SEZ6L: variants seen among roughly 807,000 people sequenced by gnomAD.
SEZ6L encodes seizure 6-like protein.
Under a neutral mutation model 106.2 loss-of-function variants are expected in SEZ6L, and 37 were observed. That is an observed-to-expected ratio of 0.35 (90% confidence interval 0.27 to 0.46). The LOEUF is 0.46. Ranked by LOEUF, SEZ6L falls within the 20% of genes least tolerant of loss-of-function variation. The probability of loss-of-function intolerance (pLI) is 1.00; values close to 1 mark genes in which losing one functional copy is unlikely to be tolerated. For synonymous variants in SEZ6L, 541 were observed against 570.4 expected, an observed-to-expected ratio of 0.95 and a Z score of 0.73; for missense variants, 1,172 against 1,332.8, an observed-to-expected ratio of 0.88 and a Z score of 1.88.
chr22:26,186,218 G>A (rs537769739), intron 1 of SEZ6L, among the ~76,000 whole-genome samples: 1 of 152,248 alleles, frequency 6.6e-6, no homozygotes, highest in South Asian at 2.1e-4. Context: ...CCAGAGATAA[G>A]TCCTTAGAGT....
At chr22:26,365,703 A>C in intron 13 of SEZ6L, 137 bp downstream of exon 13, 1 of 682,192 alleles carries the variant, frequency 1.5e-6, no homozygotes, top group South Asian at 2.4e-5. Context: ...TGAGACCCCC[A>C]TCTCTACCAA....
intron 1 of SEZ6L, among the ~76,000 whole-genome samples, chr22:26,178,823 A>T (rs1226901692): frequency 1.3e-5 from 2 of 152,178 alleles, no homozygotes; most frequent in Non-Finnish European, 2.9e-5. Context: ...GGTGGTAGTG[A>T]TGAGGATGAA....
intron 6 of SEZ6L, among the ~76,000 whole-genome samples, chr22:26,307,336 G>A (rs538403552): frequency 4.6e-5 from 7 of 152,134 alleles, no homozygotes; most frequent in Admixed American, 2.0e-4. Context: ...AGAGGGTAGG[G>A]CACTGGCAGT....
intron 9 of SEZ6L, among the ~76,000 whole-genome samples, chr22:26,319,682 A>G (rs1322267484): frequency 6.6e-6 from 1 of 152,006 alleles, no homozygotes; most frequent in African/African-American, 2.4e-5. Flanking sequence ...CACCTAACAC[A>G]CTACGCATTG....
At chr22:26,307,157 A>G (rs887957183) in intron 6 of SEZ6L, among the ~76,000 whole-genome samples, 1 of 152,172 alleles carries the variant, frequency 6.6e-6, no homozygotes, top group African/African-American at 2.4e-5. Flanking sequence ...GAGCTAGGGT[A>G]CTTATGCACC....
In SEZ6L at chr22:26,321,465, T is replaced by G. The variant is rs183651615; in HGVS notation, c.2015+7563T>G. ...AAAAGGGTTTAAGCACTTAAAGAGATTAAAGCTTTGCAGAAGGGAGCTGAG... is the reference window on the plus strand; with the variant it reads ...AAAAGGGTTTAAGCACTTAAAGAGAGTAAAGCTTTGCAGAAGGGAGCTGAG... On this transcript the variant is annotated intron_variant, in intron 9 of 16. Coordinates refer to ENST00000248933, the MANE Select transcript of SEZ6L (RefSeq NM_021115.5). Among the ~76,000 whole-genome samples the G allele has an allele frequency of 8.5e-4, 130 of 152,220 alleles. 1 individual carries two copies. The South Asian group carries it at 0.011, about 13-fold the overall frequency.
chr22:26,198,838 C>G (rs1940750027), intron 1 of SEZ6L, among the ~76,000 whole-genome samples: 1 of 152,222 alleles, frequency 6.6e-6, no homozygotes, highest in South Asian at 2.1e-4. Flanking sequence ...CCCACCTCCT[C>G]CTGTCTTTAA....
chr22:26,295,379 G>A (rs1460600377), intron 3 of SEZ6L, among the ~76,000 whole-genome samples: 1 of 152,216 alleles, frequency 6.6e-6, no homozygotes, highest in South Asian at 2.1e-4. Flanking sequence ...GGGAAATAAA[G>A]AGCCATCAAA....
chr22:26,313,061 G>A (rs116326179), intron 8 of SEZ6L, among the ~76,000 whole-genome samples: 1,814 of 152,332 alleles, frequency 0.012, 26 homozygotes, highest in African/African-American at 0.041. Flanking sequence ...GAATTTATTG[G>A]TGCTTTGGCC....
At chr22:26,238,904 T>C (rs2079030023) in intron 1 of SEZ6L, among the ~76,000 whole-genome samples, 1 of 152,200 alleles carries the variant, frequency 6.6e-6, no homozygotes, top group African/African-American at 2.4e-5. Flanking sequence ...GGGTTGAAGC[T>C]GCAGAAAGTC....
chr22:26,373,748 AT>A (rs1018340949), intron 14 of SEZ6L, among the ~76,000 whole-genome samples: 4 of 152,212 alleles, frequency 2.6e-5, no homozygotes. Context: ...CTCAGAGCCC[AT>A]AAGCCTGAGA....
At position 26,274,897 on chromosome 22, in the gene SEZ6L, G is replaced by A. The variant is rs551569481; in HGVS notation, c.95-17509G>A. ...ATGATTGACCACTCATGTGGCTACCGTTAGTCTCCAGCCTCTCCAGAGGTC... is the reference window on the plus strand; with the variant it reads ...ATGATTGACCACTCATGTGGCTACCATTAGTCTCCAGCCTCTCCAGAGGTC... On this transcript the variant is annotated intron_variant, in intron 1 of 16. Coordinates refer to ENST00000248933, the MANE Select transcript of SEZ6L (RefSeq NM_021115.5). Among the ~76,000 whole-genome samples the A allele has an allele frequency of 7.9e-5, 12 of 152,324 alleles. No individual in the cohort carries two copies. The South Asian group carries it at 1.0e-3, about 13-fold the overall frequency.
intron 6 of SEZ6L, among the ~76,000 whole-genome samples, chr22:26,307,526 C>T (rs2081671065): frequency 1.3e-5 from 2 of 151,778 alleles, no homozygotes; most frequent in South Asian, 2.1e-4. Flanking sequence ...CCTCTTGAGT[C>T]CACTTCCCTC....
In SEZ6L at chr22:26,301,113, C is replaced by T. The variant is rs150131867; in HGVS notation, c.1348+1944C>T. Among the ~76,000 whole-genome samples, 1,128 of 152,302 alleles carry T rather than the reference C, an allele frequency of 7.4e-3. 13 individuals carry two copies. The highest frequency in any genetic ancestry group is 0.059 in the East Asian group (306 of 5,190). On this transcript the variant is annotated intron_variant, in intron 5 of 16. Coordinates refer to ENST00000248933, the MANE Select transcript of SEZ6L (RefSeq NM_021115.5). ...TGCCATAGGATGGGAGCCATTATCC[C>T]CATTTTGCAGATGAGGCTCATGTAG...
intron 1 of SEZ6L, among the ~76,000 whole-genome samples, chr22:26,230,802 A>C (rs1001595737): frequency 6.6e-6 from 1 of 152,210 alleles, no homozygotes; most frequent in Admixed American, 6.5e-5. Flanking sequence ...GAATGCAAAG[A>C]TCCTTAGGAG....
chr22:26,379,413 A>G (rs1601666738), intron 16 of SEZ6L, among the ~76,000 whole-genome samples: 1 of 152,254 alleles, frequency 6.6e-6, no homozygotes, highest in Non-Finnish European at 1.5e-5. Context: ...GAGCCCCAGA[A>G]GGTGGGGATC....
At position 26,296,823 on chromosome 22, in the gene SEZ6L, C is replaced by A. The variant is rs991960981; in HGVS notation, c.970-65C>A. The A allele has an allele frequency of 6.4e-6, 9 of 1,396,064 alleles. No homozygotes were observed. The Admixed American group carries it at 2.2e-4, about 34-fold the overall frequency. The allele number at this position is 1,396,064 out of a possible 1,614,324, so 86.5% of individuals were successfully genotyped here. On this transcript the variant is annotated intron_variant, in intron 3 of 16. Transcript: ENST00000248933. ...CCACTTTTCACTGACTTCTTTGCAA[C>A]CTTAGAAGGCTCTGTCTCAAACACA...
At chr22:26,355,471 T>G (rs894613814) in intron 12 of SEZ6L, among the ~76,000 whole-genome samples, 1 of 152,182 alleles carries the variant, frequency 6.6e-6, no homozygotes, top group African/African-American at 2.4e-5. Flanking sequence ...CTCACGCCTG[T>G]AATCCCAACA....
intron 9 of SEZ6L, among the ~76,000 whole-genome samples, chr22:26,334,352 ATATT>A (rs1314322099): frequency 6.6e-6 from 1 of 152,044 alleles, no homozygotes; most frequent in African/African-American, 2.4e-5. Flanking sequence ...CCTATTCTGG[ATATT>A]CCTTATAAAT....
Sources: gnomAD v4.1 joint callset for allele counts (sites outside exome capture counted in the v4.1 genomes callset) on GRCh38, gnomAD v4.1.1 for gene constraint, MANE v1.5 for transcripts, NCBI Gene and HGNC (gene_info 2026-07-23, HGNC 2026-07-21) for gene names.